Variants in NTM observed in about 807,000 individuals in gnomAD.
NTM encodes IgLON family member 2.
In NTM, 13 loss-of-function variants were observed where a neutral mutation model predicts 42.1. The ratio of observed to expected loss-of-function variants is 0.31; its 90% CI spans 0.20 to 0.49. The LOEUF (loss-of-function observed/expected upper bound fraction) is 0.49. Ranked by LOEUF, NTM falls within the 20% of genes least tolerant of loss-of-function variation. NTM has a pLI of 0.99. For synonymous variants in NTM, 187 were observed against 179.2 expected, an observed-to-expected ratio of 1.04 and a Z score of -0.35; for missense variants, 373 against 452.8, an observed-to-expected ratio of 0.82 and a Z score of 1.60.
chr11:131,379,487 G>T (rs1942386203), intron 1 of NTM, among the ~76,000 whole-genome samples: 1 of 152,134 alleles, frequency 6.6e-6, no homozygotes, highest in Admixed American at 6.5e-5. Context: ...ACCTGGGTCT[G>T]CCTCTTTCTG....
At chr11:132,134,540 T>G (rs1248182607) in intron 2 of NTM, among the ~76,000 whole-genome samples, 1 of 151,332 alleles carries the variant, frequency 6.6e-6, no homozygotes, top group African/African-American at 2.4e-5. Context: ...TGAGTCCTCA[T>G]GGCTTGGCTC....
chr11:131,796,259 C>G (rs891918738), intron 1 of NTM: 49 of 759,948 alleles, frequency 6.4e-5, no homozygotes, highest in Non-Finnish European at 7.7e-5. Context: ...CGGCCCAGCC[C>G]TCTCAGGAGT....
rs564959769 is a variant in NTM, at chr11:131,661,067, C to T, written c.83-250497C>T. The stretch of plus-strand genomic sequence containing the variant: ...GGCACAGGTAGGTGCATACTCAATT[C>T]TTCATCTTTTGCACAGACTGGTGGG... On this transcript the variant is annotated intron_variant, in intron 1 of 8. Coordinates refer to ENST00000683400, the MANE Select transcript of NTM (RefSeq NM_001352005.2). The T allele has an allele frequency of 1.8e-5, 24 of 1,299,628 alleles. No individual in the cohort carries two copies. The African/African-American group carries it at 3.5e-4, about 19-fold the overall frequency. The allele number at this position is 1,299,628 out of a possible 1,614,324, so 80.5% of individuals were successfully genotyped here.
At chr11:131,733,757 C>G (rs1211862289) in intron 1 of NTM, among the ~76,000 whole-genome samples, 2 of 152,062 alleles carry the variant, frequency 1.3e-5, no homozygotes, top group African/African-American at 2.4e-5. Context: ...AGGCTGCTCT[C>G]GAACCCCTGA....
rs2095865332 is a variant in NTM at position 132,335,463 on chromosome 11, G to C, written c.*317G>C. ...TGCAACCTCTTTGGTGCCAGTGTGG[G>C]CAAGGGCTCAGCCTCTCTGCCCACA... On this transcript the variant is annotated 3_prime_UTR_variant, in exon 9 of 9. Transcript: ENST00000683400. 2 of 311,434 alleles carry C rather than the reference G, an allele frequency of 6.4e-6. No homozygotes were observed. The highest frequency in any genetic ancestry group is 4.9e-5 in the Admixed American group (1 of 20,504). The allele number at this position is 311,434 out of a possible 1,614,324, so 19.3% of individuals were successfully genotyped here. A position where few individuals can be genotyped will look rare whatever the true frequency, so the allele number is the denominator to read the frequency against.
chr11:132,115,623 G>T (rs1280097681), intron 2 of NTM, among the ~76,000 whole-genome samples: 1 of 152,178 alleles, frequency 6.6e-6, no homozygotes, highest in Non-Finnish European at 1.5e-5. Flanking sequence ...GGATGGTGAT[G>T]CTCTGTTCTA....
At chr11:132,304,435 G>A (rs763356915) in intron 4 of NTM, among the ~76,000 whole-genome samples, 1 of 149,528 alleles carries the variant, frequency 6.7e-6, no homozygotes, top group African/African-American at 2.5e-5. Context: ...TACCCAATAT[G>A]CTTTGTAAGT....
chr11:132,328,082 CTGGAAG>C (rs2095720530), intron 7 of NTM, among the ~76,000 whole-genome samples: 1 of 144,032 alleles, frequency 6.9e-6, no homozygotes, highest in African/African-American at 3.0e-5. Flanking sequence ...GCTCCTGCTT[CTGGAAG>C]CAGGACACAA....
At chr11:131,577,768 G>T (rs1194733412) in intron 1 of NTM, among the ~76,000 whole-genome samples, 1 of 152,134 alleles carries the variant, frequency 6.6e-6, no homozygotes, top group Non-Finnish European at 1.5e-5. Context: ...CTTACAGTGT[G>T]CAGTATGGAT....
intron 1 of NTM, among the ~76,000 whole-genome samples, chr11:131,575,864 G>A (rs1318761924): frequency 2.0e-5 from 3 of 152,140 alleles, no homozygotes; most frequent in Non-Finnish European, 4.4e-5. Flanking sequence ...CAGGCTCACT[G>A]GGTGCTCTGT....
chr11:132,329,080 T>C (rs1053656514), intron 7 of NTM, among the ~76,000 whole-genome samples: 9 of 152,158 alleles, frequency 5.9e-5, no homozygotes, highest in African/African-American at 2.2e-4. Context: ...AAGAGTAGAT[T>C]GAAGGTGTGA....
intron 2 of NTM, among the ~76,000 whole-genome samples, chr11:132,045,910 G>A (rs2066877442): frequency 6.6e-6 from 1 of 152,116 alleles, no homozygotes; most frequent in African/African-American, 2.4e-5. Flanking sequence ...GTGTTGTTTT[G>A]GATGGGAAAG....
At chr11:131,808,800 G>T (rs958939271) in intron 1 of NTM, among the ~76,000 whole-genome samples, 1 of 152,178 alleles carries the variant, frequency 6.6e-6, no homozygotes, top group African/African-American at 2.4e-5. Context: ...AGAGAGAAAG[G>T]AGTCAAGTAC....
At chr11:131,733,807 G>A in intron 1 of NTM, among the ~76,000 whole-genome samples, 1 of 152,098 alleles carries the variant, frequency 6.6e-6, no homozygotes, top group East Asian at 1.9e-4. Flanking sequence ...CAAAGTGCAG[G>A]AATTACAGGC....
At chr11:131,799,095 CT>C (rs1353602909) in intron 1 of NTM, among the ~76,000 whole-genome samples, 1 of 152,194 alleles carries the variant, frequency 6.6e-6, no homozygotes, top group Non-Finnish European at 1.5e-5. Flanking sequence ...TAATTGTTAA[CT>C]TTTTTGTTTA....
intron 1 of NTM, among the ~76,000 whole-genome samples, chr11:131,399,829 A>G (rs1944936665): frequency 6.6e-6 from 1 of 152,188 alleles, no homozygotes; most frequent in African/African-American, 2.4e-5. Flanking sequence ...TTCCTCCAGC[A>G]TAGAAATTGA....
At chr11:131,543,274 C>G (rs1364728502) in intron 1 of NTM, among the ~76,000 whole-genome samples, 1 of 152,196 alleles carries the variant, frequency 6.6e-6, no homozygotes, top group East Asian at 1.9e-4. Context: ...CATAAAGTGG[C>G]AGTCTCCTCT....
chr11:131,547,465 G>T (rs927511846), intron 1 of NTM, among the ~76,000 whole-genome samples: 16 of 152,200 alleles, frequency 1.1e-4, no homozygotes, highest in Admixed American at 9.8e-4. Flanking sequence ...GCCTTCGGTG[G>T]CAGATGCCAG....
At chr11:132,245,954 G>T (rs1023569593) in intron 4 of NTM, among the ~76,000 whole-genome samples, 2 of 152,158 alleles carry the variant, frequency 1.3e-5, no homozygotes, top group African/African-American at 4.8e-5. Context: ...CAGCTGCCGC[G>T]TCAGGATCTT....
Sources: allele counts gnomAD v4.1 joint callset (sites outside exome capture counted in the v4.1 genomes callset), GRCh38; gene constraint gnomAD v4.1.1; transcripts MANE v1.5; gene names NCBI Gene and HGNC (gene_info 2026-07-23, HGNC 2026-07-21).